OR5AS1: variants seen among roughly 807,000 people sequenced by gnomAD.
OR5AS1 encodes the protein olfactory receptor family 5 subfamily AS member 1, also known as olfactory receptor 5AS1.
For missense variants in OR5AS1, 492 were observed against 378.2 expected (o/e 1.30, Z -2.50); for synonymous variants, 196 against 141.7 (o/e 1.38, Z -2.72).
At position 56,031,522 on chromosome 11, in the gene OR5AS1, C is replaced by G. The variant is rs1853351785; in HGVS notation, c.*129C>G. 2 of 667,064 alleles carry G rather than the reference C, an allele frequency of 3.0e-6. No individual in the cohort carries two copies. The highest frequency in any genetic ancestry group is 2.3e-5 in the South Asian group (1 of 43,388). 41.3% of individuals were successfully genotyped at this position (667,064 alleles called of 1,614,324 possible). A position where few individuals can be genotyped will look rare whatever the true frequency, so the allele number is the denominator to read the frequency against. On this transcript the variant is annotated 3_prime_UTR_variant, in exon 2 of 2. Coordinates refer to ENST00000641320, the MANE Select transcript of OR5AS1 (RefSeq NM_001001921.2). The stretch of plus-strand genomic sequence containing the variant: ...TCAGTGCATTAAAATGCTTCATCCT[C>G]TCTTCCAAAAATGTTCTCTCCACAA...
In OR5AS1 at chr11:56,030,597, A is replaced by T. The variant is rs1447020197; in HGVS notation, c.179A>T (p.Tyr60Phe). ...AATTCAAGCCTTCAAATTCCCATGT[A>T]TTATTTTCTTAGCAACTTATCTTTC... is the stretch of plus-strand genomic sequence containing the variant. ...NINSSLQIPM[Y>F]YFLSNLSFLD... is the part of the protein sequence containing the mutation. The change falls in exon 2 of 2, where the codon TAT (tyrosine) becomes TTT (phenylalanine). Residue 60 changes from tyrosine to phenylalanine, a missense_variant. By Grantham distance (22) the Tyr-to-Phe change is conservative (BLOSUM62 3). Transcript: ENST00000641320. 6.5e-7 allele frequency: 1 copy of T among 1,546,876 alleles called. No homozygotes were observed. The highest frequency in any genetic ancestry group is 1.2e-5 in the South Asian group (1 of 80,066).
At chr11:56,028,666 C>T (rs556117015) in intron 1 of OR5AS1, among the ~76,000 whole-genome samples, 1 of 152,168 alleles carries the variant, frequency 6.6e-6, no homozygotes, top group South Asian at 2.1e-4. Flanking sequence ...TCTTGAGATG[C>T]TCAGTCTCTC....
At chr11:56,030,160 G>A (rs546226357) in intron 1 of OR5AS1, among the ~76,000 whole-genome samples, 4 of 152,180 alleles carry the variant, frequency 2.6e-5, no homozygotes, top group Non-Finnish European at 5.9e-5. Flanking sequence ...CGCGTTTAAA[G>A]AGGTACTATA....
At chr11:56,029,717 T>A (rs1853328756) in intron 1 of OR5AS1, among the ~76,000 whole-genome samples, 1 of 152,034 alleles carries the variant, frequency 6.6e-6, no homozygotes, top group African/African-American at 2.4e-5. Flanking sequence ...TAATCAGCGC[T>A]CACACAGTGA....
rs1853369197 is a variant in OR5AS1 at position 56,033,181 on chromosome 11, A to C, written c.*1788A>C. On this transcript the variant is annotated 3_prime_UTR_variant, in exon 2 of 2. Transcript: ENST00000641320. Reference sequence around the variant, plus strand: ...CTACATCACCAGCTCCCTGGGATTGAAGCACAAAACTCGGTGGCTGTTTGG... The same window carrying C: ...CTACATCACCAGCTCCCTGGGATTGCAGCACAAAACTCGGTGGCTGTTTGG... 6.5e-6 allele frequency: 1 copy of C among 152,962 alleles called. No individual in the cohort carries two copies. 9.5% of individuals were successfully genotyped at this position (152,962 alleles called of 1,614,324 possible). A position where few individuals can be genotyped will look rare whatever the true frequency, so the allele number is the denominator to read the frequency against.
At chr11:56,029,123 T>C (rs1200417957) in intron 1 of OR5AS1, among the ~76,000 whole-genome samples, 2 of 152,020 alleles carry the variant, frequency 1.3e-5, no homozygotes, top group African/African-American at 4.8e-5. Flanking sequence ...TCCTTGCCAT[T>C]TGGCTGGAGA....
At position 56,036,170 on chromosome 11, in the gene OR5AS1, A is replaced by G. The variant is rs1013309879; in HGVS notation, c.*4777A>G. 1 of 152,288 alleles carries G rather than the reference A, an allele frequency of 6.6e-6. No homozygotes were observed. The highest frequency in any genetic ancestry group is 2.4e-5 in the African/African-American group (1 of 41,544). The allele number at this position is 152,288 out of a possible 1,614,324, so 9.4% of individuals were successfully genotyped here. On this transcript the variant is annotated 3_prime_UTR_variant, in exon 2 of 2. Transcript: ENST00000641320. ...AAATTCACAGTACTAAAGGCCCACA[A>G]GAGAAAGCAGGAAAGATCTAAAATC...
At position 56,030,605 on chromosome 11, in the gene OR5AS1, C is replaced by A. The variant is rs1374225384; in HGVS notation, c.187C>A (p.Leu63Ile). ...CCTTCAAATTCCCATGTATTATTTT[C>A]TTAGCAACTTATCTTTCTTAGACAT... is the stretch of plus-strand genomic sequence containing the variant. ...SSLQIPMYYF[L>I]SNLSFLDISC... is the part of the protein sequence containing the mutation. The change falls in exon 2 of 2, where the codon CTT (leucine) becomes ATT (isoleucine). Residue 63 changes from leucine (L) to isoleucine (I), a missense_variant. Physicochemically the swap from Leu to Ile is conservative, Grantham distance 5 (BLOSUM62 2). Transcript: ENST00000641320. 1 of 1,546,730 alleles carries A rather than the reference C, an allele frequency of 6.5e-7. No homozygotes were observed. The highest frequency in any genetic ancestry group is 8.7e-7 in the Non-Finnish European group (1 of 1,150,214).
In OR5AS1 at chr11:56,037,911, C is replaced by T. The variant is rs1321528702; in HGVS notation, c.*6518C>T. On this transcript the variant is annotated 3_prime_UTR_variant, in exon 2 of 2. Transcript: ENST00000641320. ...TAATAAAAACAGTATGGTCCTGGTA[C>T]CAAAGCAGATATATAGACCAATGGA... 2 of 152,052 alleles carry T rather than the reference C, an allele frequency of 1.3e-5. No individual in the cohort carries two copies. Among genetic ancestry groups the T allele is most frequent in the Admixed American group, 1.3e-4 (2 of 15,258 alleles). 9.4% of individuals were successfully genotyped at this position (152,052 alleles called of 1,614,324 possible). A position where few individuals can be genotyped will look rare whatever the true frequency, so the allele number is the denominator to read the frequency against.
chr11:56,038,043 G>C lies in OR5AS1; in HGVS notation c.*6650G>C, dbSNP rs1422698394. The C allele has an allele frequency of 6.6e-6, 1 of 152,100 alleles. No homozygotes were observed. Among genetic ancestry groups the C allele is most frequent in the Non-Finnish European group, 1.5e-5 (1 of 68,036 alleles). 9.4% of individuals were successfully genotyped at this position (152,100 alleles called of 1,614,324 possible). On this transcript the variant is annotated 3_prime_UTR_variant, in exon 2 of 2. Coordinates refer to ENST00000641320, the MANE Select transcript of OR5AS1 (RefSeq NM_001001921.2). ...GAAAGGATTCCCTATTTAATAAATG[G>C]TGTTGGGAAAACTGGCTAGCCATAT... is the stretch of plus-strand genomic sequence containing the variant.
Position 56,034,578 on chromosome 11 carries a change from A to C in OR5AS1, c.*3185A>C, listed in dbSNP as rs1853385270. The C allele has an allele frequency of 6.6e-6, 1 of 152,102 alleles. No homozygotes were observed. The highest frequency in any genetic ancestry group is 2.4e-5 in the African/African-American group (1 of 41,372). 9.4% of individuals were successfully genotyped at this position (152,102 alleles called of 1,614,324 possible). On this transcript the variant is annotated 3_prime_UTR_variant, in exon 2 of 2. Coordinates refer to ENST00000641320, the MANE Select transcript of OR5AS1 (RefSeq NM_001001921.2). ...GATTAGAGAAAAAAGAATGCAAAGA[A>C]ATGAACAAAGCCCCCAGGGATTATG...
chr11:56,027,893 A>G (rs908786183), intron 1 of OR5AS1, among the ~76,000 whole-genome samples, 181 bp downstream of exon 1: 2 of 151,344 alleles, frequency 1.3e-5, no homozygotes, highest in East Asian at 3.9e-4. Context: ...GGTAGCATAG[A>G]CCTAAGCTTA....
Position 56,035,771 on chromosome 11 carries a change from C to G in OR5AS1, c.*4378C>G, listed in dbSNP as rs1455778237. 1.3e-5 allele frequency: 2 copies of G among 152,082 alleles called. No individual in the cohort carries two copies. The highest frequency in any genetic ancestry group is 6.6e-5 in the Admixed American group (1 of 15,264). The allele number at this position is 152,082 out of a possible 1,614,324, so 9.4% of individuals were successfully genotyped here. On this transcript the variant is annotated 3_prime_UTR_variant, in exon 2 of 2. Transcript: ENST00000641320. ...GGATATTCAGGACTTGAACTCAGCT[C>G]TGGACCAAGCAGACCTAATAGACCT...
Position 56,031,202 on chromosome 11 carries a change from CCCA to C in OR5AS1, c.789_791del (p.Thr264del). 6.2e-7 allele frequency: 1 copy of C among 1,613,404 alleles called. No homozygotes were observed. Among genetic ancestry groups the C allele is most frequent in the Non-Finnish European group, 8.5e-7 (1 of 1,179,472 alleles). On this transcript the variant is annotated inframe_deletion, in exon 2 of 2. Coordinates refer to ENST00000641320, the MANE Select transcript of OR5AS1 (RefSeq NM_001001921.2). Reference sequence around the variant, plus strand: ...AGCGCTCCTGTTTATGTACTTACAGCCCACCACTAGCTATTCCCTAGACACTGA... The same window carrying C: ...AGCGCTCCTGTTTATGTACTTACAGCCCACTAGCTATTCCCTAGACACTGA...
At position 56,032,523 on chromosome 11, in the gene OR5AS1, G is replaced by A. The variant is rs950763572; in HGVS notation, c.*1130G>A. The A allele has an allele frequency of 1.3e-5, 2 of 152,048 alleles. No individual in the cohort carries two copies. Among genetic ancestry groups the A allele is most frequent in the African/African-American group, 4.8e-5 (2 of 41,366 alleles). 9.4% of individuals were successfully genotyped at this position (152,048 alleles called of 1,614,324 possible). Reference sequence around the variant, plus strand: ...CACCATGTACATGTGAAATAAAAAAGTGTGCATTTTGTAATAATTATGAAA... The same window carrying A: ...CACCATGTACATGTGAAATAAAAAAATGTGCATTTTGTAATAATTATGAAA... On this transcript the variant is annotated 3_prime_UTR_variant, in exon 2 of 2. Transcript: ENST00000641320.
At position 56,033,949 on chromosome 11, in the gene OR5AS1, G is replaced by A. The variant is rs1939135483; in HGVS notation, c.*2556G>A. On this transcript the variant is annotated 3_prime_UTR_variant, in exon 2 of 2. Coordinates refer to ENST00000641320, the MANE Select transcript of OR5AS1 (RefSeq NM_001001921.2). The stretch of plus-strand genomic sequence containing the variant: ...GAAGGAACGGGCAGCAATCTTTACT[G>A]TTCTGCAGCCTTCGCAGGCAAACAG... 6.6e-6 allele frequency: 1 copy of A among 152,308 alleles called. No homozygotes were observed. The highest frequency in any genetic ancestry group is 2.1e-4 in the South Asian group (1 of 4,838). The allele number at this position is 152,308 out of a possible 1,614,324, so 9.4% of individuals were successfully genotyped here.
Position 56,030,937 on chromosome 11 carries a change from C to A in OR5AS1, c.519C>A (p.Ile173=). Residue 173 remains isoleucine (I), a synonymous_variant, in exon 2 of 2, where the codon ATC becomes ATA. Coordinates refer to ENST00000641320, the MANE Select transcript of OR5AS1 (RefSeq NM_001001921.2). ...TFRLSFCGSN[I]VNHFFCDIPP... ...GGCTGTCATTTTGTGGCTCCAATAT[C>A]GTCAATCATTTTTTCTGTGATATCC... 1 of 1,614,064 alleles carries A rather than the reference C, an allele frequency of 6.2e-7. No homozygotes were observed. Among genetic ancestry groups the A allele is most frequent in the Non-Finnish European group, 8.5e-7 (1 of 1,179,974 alleles).
Position 56,031,358 on chromosome 11 carries a change from T to C in OR5AS1, c.940T>C (p.Trp314Arg), listed in dbSNP as rs1453056932. 3.8e-6 allele frequency: 6 copies of C among 1,560,026 alleles called. No homozygotes were observed. Among genetic ancestry groups the C allele is most frequent in the East Asian group, 4.5e-5 (2 of 44,678 alleles). Residue 314 changes from tryptophan to arginine, a missense_variant, in exon 2 of 2, where the codon TGG (tryptophan) becomes CGG (arginine). Coordinates refer to ENST00000641320, the MANE Select transcript of OR5AS1 (RefSeq NM_001001921.2). ...AGAAAGAATTGGATATTCAAATGAA[T>C]GGTATTTAAATCGTTTAAGAATAGT... The part of the protein sequence containing the change: ...LLERIGYSNE[W>R]YLNRLRIVNI
At position 56,030,649 on chromosome 11, in the gene OR5AS1, C is replaced by G. The variant is rs750119129; in HGVS notation, c.231C>G (p.Ile77Met). Reference protein sequence around the residue: ...SFLDISCSTAITPKMLANFLA... With the variant: ...SFLDISCSTAMTPKMLANFLA... ...TAGACATCAGCTGTTCTACAGCAATCACTCCTAAAATGCTGGCAAACTTCT... is the reference window on the plus strand; with the variant it reads ...TAGACATCAGCTGTTCTACAGCAATGACTCCTAAAATGCTGGCAAACTTCT... The change falls in exon 2 of 2, where the codon ATC (isoleucine) becomes ATG (methionine). Residue 77 changes from isoleucine (I) to methionine (M), a missense_variant. Ile to Met is a conservative substitution (Grantham distance 10). Transcript: ENST00000641320. The G allele has an allele frequency of 6.4e-7, 1 of 1,573,260 alleles. No individual in the cohort carries two copies. The highest frequency in any genetic ancestry group is 8.6e-7 in the Non-Finnish European group (1 of 1,159,062).
Sources: gnomAD v4.1 joint callset for allele counts (sites outside exome capture counted in the v4.1 genomes callset) on GRCh38, gnomAD v4.1.1 for gene constraint, MANE v1.5 for transcripts, NCBI Gene and HGNC (gene_info 2026-07-23, HGNC 2026-07-21) for gene names.